ASAP2: variants seen among roughly 807,000 people sequenced by gnomAD.
The protein encoded by ASAP2 is arf-GAP with SH3 domain, ANK repeat and PH domain-containing protein 2.
ASAP2 carries 45 observed loss-of-function variants against 131.4 expected under a neutral mutation model. The ratio of observed to expected loss-of-function variants is 0.34; its 90% CI spans 0.27 to 0.44. The LOEUF (loss-of-function observed/expected upper bound fraction) is 0.44, where lower values mean the gene tolerates loss of function less well. Ranked by LOEUF, ASAP2 falls within the 20% of genes least tolerant of loss-of-function variation. The pLI, the probability that ASAP2 is intolerant of heterozygous loss-of-function variation, is 1.00. For synonymous variants in ASAP2, 510 were observed against 503.0 expected (o/e 1.01, Z -0.19); for missense variants, 1,011 against 1,297.0 (o/e 0.78, Z 3.39).
intron 1 of ASAP2, among the ~76,000 whole-genome samples, chr2:9,256,928 C>A (rs1209107701): frequency 6.6e-6 from 1 of 152,236 alleles, no homozygotes; most frequent in African/African-American, 2.4e-5. Flanking sequence ...CCTCCTGCTG[C>A]AGCCAAGGGC....
intron 1 of ASAP2, chr2:9,271,511 C>T (rs1419734771): frequency 5.4e-6 from 8 of 1,472,446 alleles, no homozygotes; most frequent in Middle Eastern, 1.7e-4. Context: ...GCCTTCCTGC[C>T]GTTTCTCTGT....
Position 9,385,235 on chromosome 2 carries a change from G to C in ASAP2, c.2017-10G>C. The C allele has an allele frequency of 6.2e-7, 1 of 1,601,742 alleles. No individual in the cohort carries two copies. The highest frequency in any genetic ancestry group is 8.6e-7 in the Non-Finnish European group (1 of 1,168,790). ...GAGCAACAGCACTGACCATCCCTCTGTTCTCTCAGCTGACCCAAGCCTTAT... is the reference window on the plus strand; with the variant it reads ...GAGCAACAGCACTGACCATCCCTCTCTTCTCTCAGCTGACCCAAGCCTTAT... On this transcript the variant is annotated splice_polypyrimidine_tract_variant and intron_variant, in intron 20 of 27. Transcript: ENST00000281419.
At chr2:9,315,511 G>GGGGCTTT (rs1669600664) in intron 3 of ASAP2, among the ~76,000 whole-genome samples, 1 of 152,096 alleles carries the variant, frequency 6.6e-6, no homozygotes, top group African/African-American at 2.4e-5. Context: ...GAGGAGGGTG[G>GGGGCTTT]GAGAGAGGGC....
intron 25 of ASAP2, 21 bp from the exon 26 acceptor site, chr2:9,400,721 T>A: frequency 6.3e-7 from 1 of 1,594,456 alleles, no homozygotes; most frequent in Non-Finnish European, 8.6e-7. Flanking sequence ...TGTCTTAAGC[T>A]GCTTCATTTT....
At chr2:9,378,831 C>A in intron 18 of ASAP2, 113 bp from the exon 19 acceptor site, 2 of 642,362 alleles carry the variant, frequency 3.1e-6, no homozygotes, top group Non-Finnish European at 4.7e-6. Context: ...AAACCGTTCA[C>A]TCGGGGACTG....
At chr2:9,329,476 G>A (rs1670691412) in intron 7 of ASAP2, among the ~76,000 whole-genome samples, 3 of 152,188 alleles carry the variant, frequency 2.0e-5, no homozygotes, top group African/African-American at 7.2e-5. Flanking sequence ...ATTTAACTGA[G>A]TTTATGAAAA....
chr2:9,264,684 T>G (rs1430835089), intron 1 of ASAP2, among the ~76,000 whole-genome samples: 1 of 152,176 alleles, frequency 6.6e-6, no homozygotes, highest in Non-Finnish European at 1.5e-5. Context: ...AGGTGCGCGC[T>G]ATAACTAAGT....
chr2:9,354,844 A>G (rs1200619548), intron 12 of ASAP2, among the ~76,000 whole-genome samples: 10 of 152,172 alleles, frequency 6.6e-5, no homozygotes, highest in Non-Finnish European at 1.5e-4. Flanking sequence ...ACACCACTAC[A>G]GAGAGGTGGC....
At chr2:9,364,625 G>A (rs1328584250) in intron 15 of ASAP2, among the ~76,000 whole-genome samples, 4 of 152,216 alleles carry the variant, frequency 2.6e-5, no homozygotes, top group African/African-American at 9.6e-5. Context: ...TTAATAAGCT[G>A]TCAAATGTTA....
At chr2:9,361,305 A>G (rs939704388) in intron 15 of ASAP2, among the ~76,000 whole-genome samples, 1 of 152,112 alleles carries the variant, frequency 6.6e-6, no homozygotes, top group Admixed American at 6.5e-5. Flanking sequence ...ACTCCCTTCA[A>G]CCCTGCTTTC....
In ASAP2 at chr2:9,212,459, T is replaced by C. The variant is rs555421960; in HGVS notation, c.126+5229T>C. Among the ~76,000 whole-genome samples, 581 of 151,926 alleles carry C rather than the reference T, an allele frequency of 3.8e-3. 2 individuals carry two copies. The highest frequency in any genetic ancestry group is 6.1e-3 in the Non-Finnish European group (417 of 67,934). On this transcript the variant is annotated intron_variant, in intron 1 of 27. Coordinates refer to ENST00000281419, the MANE Select transcript of ASAP2 (RefSeq NM_003887.3). ...AAGGCACTAAGCTGGTTCATTCTGGTCTTCTGTACCTGCCTCCCTGCCTTA... is the reference window on the plus strand; with the variant it reads ...AAGGCACTAAGCTGGTTCATTCTGGCCTTCTGTACCTGCCTCCCTGCCTTA...
chr2:9,352,192 A>T (rs894910681), intron 12 of ASAP2, among the ~76,000 whole-genome samples: 4 of 150,896 alleles, frequency 2.7e-5, no homozygotes, highest in Admixed American at 1.3e-4. Context: ...GCAAGACCCT[A>T]ACTCTTTAAA....
chr2:9,218,990 G>A (rs573194062), intron 1 of ASAP2, among the ~76,000 whole-genome samples: 2 of 152,282 alleles, frequency 1.3e-5, no homozygotes, highest in East Asian at 3.9e-4. Flanking sequence ...GTTTGAGATT[G>A]GGCCGAATGA....
intron 11 of ASAP2, among the ~76,000 whole-genome samples, chr2:9,345,995 G>A (rs895286991): frequency 6.6e-6 from 1 of 152,034 alleles, no homozygotes; most frequent in African/African-American, 2.4e-5. Context: ...GTGACCTCTG[G>A]TCTAGGGGTT....
At chr2:9,395,431 C>T (rs979769307) in intron 24 of ASAP2, among the ~76,000 whole-genome samples, 5 of 151,794 alleles carry the variant, frequency 3.3e-5, no homozygotes, top group African/African-American at 9.7e-5. Flanking sequence ...GCTGAGATCA[C>T]GTCATTGTAC....
chr2:9,238,879 A>G (rs1263897310), intron 1 of ASAP2, among the ~76,000 whole-genome samples: 1 of 152,118 alleles, frequency 6.6e-6, no homozygotes, highest in Non-Finnish European at 1.5e-5. Flanking sequence ...TTCTACATAG[A>G]TGATTTTGTC....
chr2:9,250,110 G>T (rs753258248), intron 1 of ASAP2, among the ~76,000 whole-genome samples: 1 of 152,138 alleles, frequency 6.6e-6, no homozygotes, highest in Non-Finnish European at 1.5e-5. Context: ...CAATTGCTTT[G>T]TAGGGTTTCA....
chr2:9,340,149 A>G (rs534758897), intron 9 of ASAP2, among the ~76,000 whole-genome samples: 3 of 152,180 alleles, frequency 2.0e-5, no homozygotes, highest in Admixed American at 6.5e-5. Context: ...CAGCCTCCCA[A>G]TTAGCTGGGA....
intron 15 of ASAP2, among the ~76,000 whole-genome samples, chr2:9,366,754 C>T (rs969390153): frequency 1.1e-4 from 17 of 152,202 alleles, no homozygotes; most frequent in African/African-American, 3.1e-4. Flanking sequence ...GCTTTTTCCA[C>T]GTGTCAAGGG....
Sources: gnomAD v4.1 joint callset for allele counts (sites outside exome capture counted in the v4.1 genomes callset) on GRCh38, gnomAD v4.1.1 for gene constraint, MANE v1.5 for transcripts, NCBI Gene and HGNC (gene_info 2026-07-23, HGNC 2026-07-21) for gene names.